Variants in ANTXRL observed in about 807,000 individuals in gnomAD.
ANTXRL encodes the protein ANTXR like.
Under a neutral mutation model 75.4 loss-of-function variants are expected in ANTXRL, and 63 were observed. That is an observed-to-expected ratio of 0.84 (90% CI 0.68 to 1.03). ANTXRL has a LOEUF of 1.03. ANTXRL is among the 50% of genes least tolerant of loss of function. The probability of loss-of-function intolerance (pLI) is 0.00; values close to 1 mark genes in which losing one functional copy is unlikely to be tolerated. For synonymous variants in ANTXRL, 335 were observed against 291.3 expected, an observed-to-expected ratio of 1.15 and a Z score of -1.53; for missense variants, 797 against 789.4, an observed-to-expected ratio of 1.01 and a Z score of -0.12.
In ANTXRL at chr10:46,287,475, C is replaced by T; in HGVS notation, c.213C>T (p.Cys71=). The T allele has an allele frequency of 6.5e-7, 1 of 1,535,758 alleles. No homozygotes were observed. Among genetic ancestry groups the T allele is most frequent in the Non-Finnish European group, 8.7e-7 (1 of 1,146,704 alleles). ...HWRQGQAGHR[C]QGSFDLYFIL... ...GCCAGGGGCAAGCAGGTCACAGATG[C>T]CAGGGCTCATTTGACCTCTACTTCA... The change falls in exon 1 of 17, where the codon TGC becomes TGT. Residue 71 remains cysteine (C), a synonymous_variant. Transcript: ENST00000620264.
In ANTXRL at chr10:46,308,581, A is replaced by G. The variant is rs138235353; in HGVS notation, c.1045-532A>G. ...GAACTGTTCCCGTTGCTTATACCCC[A>G]TGTGGCCCTGGTTCTGAGCCAGGAC... is the stretch of plus-strand genomic sequence containing the variant. On this transcript the variant is annotated intron_variant, in intron 12 of 16. Coordinates refer to ENST00000620264, the MANE Select transcript of ANTXRL (RefSeq NM_001278688.3). The G allele has an allele frequency of 3.8e-3, 1,478 of 387,524 alleles. 9 individuals carry two copies. The highest frequency in any genetic ancestry group is 6.2e-3 in the Non-Finnish European group (1,193 of 192,928). 24.0% of individuals were successfully genotyped at this position (387,524 alleles called of 1,614,324 possible).
Position 46,297,346 on chromosome 10 carries a change from T to A in ANTXRL, c.585+18T>A. On this transcript the variant is annotated intron_variant, in intron 6 of 16. Transcript: ENST00000620264. Reference sequence around the variant, plus strand: ...TCAGAGAAGTGAGTCCAGTTCATACTTACCAGCATTTTGCTCCATGTATTT... The same window carrying A: ...TCAGAGAAGTGAGTCCAGTTCATACATACCAGCATTTTGCTCCATGTATTT... 1 of 1,536,270 alleles carries A rather than the reference T, an allele frequency of 6.5e-7. No homozygotes were observed. Among genetic ancestry groups the A allele is most frequent in the Non-Finnish European group, 8.7e-7 (1 of 1,146,724 alleles).
intron 9 of ANTXRL, among the ~76,000 whole-genome samples, chr10:46,299,343 G>C (rs1768524995): frequency 1.3e-5 from 2 of 152,156 alleles, no homozygotes; most frequent in African/African-American, 4.8e-5. Context: ...CCCAGTGCCT[G>C]TCCATGCTGT....
intron 16 of ANTXRL, among the ~76,000 whole-genome samples, chr10:46,324,624 A>G (rs1018818520): frequency 3.3e-5 from 5 of 152,168 alleles, no homozygotes; most frequent in African/African-American, 1.2e-4. Flanking sequence ...GTAATTTAGG[A>G]AAGACTTAGA....
chr10:46,307,137 C>G (rs142097747), intron 11 of ANTXRL, among the ~76,000 whole-genome samples: 34 of 152,240 alleles, frequency 2.2e-4, no homozygotes, highest in African/African-American at 7.0e-4. Flanking sequence ...GGTTGCCTCT[C>G]AGAGTTAAGC....
intron 1 of ANTXRL, among the ~76,000 whole-genome samples, chr10:46,290,087 G>A (rs1286298486): frequency 5.4e-5 from 7 of 130,000 alleles, no homozygotes; most frequent in African/African-American, 2.0e-4. Flanking sequence ...CTGCTGCCTG[G>A]CTGGAGTTCA....
chr10:46,294,223 C>G (rs1394440498), intron 3 of ANTXRL: 3 of 385,898 alleles, frequency 7.8e-6, no homozygotes, highest in African/African-American at 4.1e-5. Flanking sequence ...GCTGGCAGGG[C>G]GGGGGTGTGT....
At chr10:46,309,029 A>G in intron 12 of ANTXRL, 84 bp from the exon 13 acceptor site, 1 of 1,522,144 alleles carries the variant, frequency 6.6e-7, no homozygotes, top group Non-Finnish European at 8.8e-7. Context: ...AGGGAGAGTG[A>G]GGAGTGGGCA....
chr10:46,311,040 C>T (rs1488627603), intron 14 of ANTXRL, among the ~76,000 whole-genome samples: 6 of 152,132 alleles, frequency 3.9e-5, no homozygotes, highest in Non-Finnish European at 5.9e-5. Flanking sequence ...GCCAGGAGTC[C>T]GGGAACAAGT....
At chr10:46,329,462 G>C (rs1366377486) in intron 16 of ANTXRL, 137 bp from the exon 17 acceptor site, 2 of 1,138,034 alleles carry the variant, frequency 1.8e-6, no homozygotes, top group Non-Finnish European at 2.4e-6. Flanking sequence ...CAAGGGGAGA[G>C]AGGAGGAGCA....
chr10:46,313,262 C>T lies in ANTXRL; in HGVS notation c.1356C>T (p.Leu452=). The T allele has an allele frequency of 6.5e-7, 1 of 1,535,902 alleles. No homozygotes were observed. Among genetic ancestry groups the T allele is most frequent in the Non-Finnish European group, 8.7e-7 (1 of 1,146,746 alleles). Residue 452 remains leucine, a synonymous_variant, in exon 16 of 17, where the codon CTC becomes CTT. Transcript: ENST00000620264. ...IEGNLDTFCD[L]SHASCHQVPW... is the part of the protein sequence containing the mutation. ...GCAATCTGGATACCTTTTGTGACCTCTCTCACGCAAGCTGCCACCAGGTGC... is the reference window on the plus strand; with the variant it reads ...GCAATCTGGATACCTTTTGTGACCTTTCTCACGCAAGCTGCCACCAGGTGC...
intron 16 of ANTXRL, among the ~76,000 whole-genome samples, chr10:46,328,285 T>C (rs1839324153): frequency 6.6e-6 from 1 of 152,014 alleles, no homozygotes; most frequent in Non-Finnish European, 1.5e-5. Context: ...CCTATACAAA[T>C]TGAGAAATGG....
rs148029033 is a variant in ANTXRL at position 46,297,252 on chromosome 10, A to G, written c.509A>G (p.Asn170Ser). The G allele has an allele frequency of 5.5e-4, 847 of 1,536,360 alleles. 9 individuals are homozygous for G. In the East Asian group the frequency reaches 0.015, roughly 28 times the overall value. Residue 170 changes from asparagine (N) to serine (S), a missense_variant and splice_region_variant, in exon 6 of 17, where the codon AAC (asparagine) becomes AGC (serine). Coordinates refer to ENST00000620264, the MANE Select transcript of ANTXRL (RefSeq NM_001278688.3). ...IQQIESFNSG[N>S]KVPSMIIAMT... is the part of the protein sequence containing the mutation. ...AGGCCACTCTTTGCTTCTTCTACAG[A>G]CAAGGTTCCCAGCATGATTATTGCT...
At chr10:46,311,704 A>T in intron 15 of ANTXRL, 39 bp downstream of exon 15, 1 of 781,582 alleles carries the variant, frequency 1.3e-6, no homozygotes. Flanking sequence ...TGACCCCAGC[A>T]TGGGACTGTG....
intron 3 of ANTXRL, among the ~76,000 whole-genome samples, chr10:46,295,193 T>C (rs1837290329): frequency 6.6e-6 from 1 of 152,154 alleles, no homozygotes; most frequent in Non-Finnish European, 1.5e-5. Flanking sequence ...GATTTGCTAC[T>C]TCCTGTATCA....
chr10:46,315,677 C>G (rs201983293), intron 16 of ANTXRL, among the ~76,000 whole-genome samples: 1 of 152,038 alleles, frequency 6.6e-6, no homozygotes, highest in East Asian at 1.9e-4. Flanking sequence ...GTGATAAGCT[C>G]GGGAAGTTGA....
intron 2 of ANTXRL, 33 bp downstream of exon 2, chr10:46,292,162 C>T: frequency 2.0e-6 from 3 of 1,532,086 alleles, no homozygotes; most frequent in Non-Finnish European, 2.6e-6. Context: ...CTCCCCTGAG[C>T]TGCAGAGAGC....
chr10:46,328,083 G>T (rs539521758), intron 16 of ANTXRL, among the ~76,000 whole-genome samples: 125 of 152,268 alleles, frequency 8.2e-4, no homozygotes, highest in African/African-American at 2.8e-3. Context: ...TAGAAGGACA[G>T]GGCACTTCCC....
chr10:46,297,785 T>C (rs1837472222), intron 7 of ANTXRL, 46 bp from the exon 8 acceptor site: 1 of 1,498,738 alleles, frequency 6.7e-7, no homozygotes, highest in Non-Finnish European at 9.0e-7. Context: ...GTCTGCTGCA[T>C]CCTCACCTCC....
Sources: allele counts gnomAD v4.1 joint callset (sites outside exome capture counted in the v4.1 genomes callset), GRCh38; gene constraint gnomAD v4.1.1; transcripts MANE v1.5; gene names NCBI Gene and HGNC (gene_info 2026-07-23, HGNC 2026-07-21).